NRG3: variants seen among roughly 807,000 people sequenced by gnomAD.
The protein encoded by NRG3 is neuregulin 3.
NRG3 carries 31 observed loss-of-function variants against 66.9 expected under a neutral mutation model. The observed-to-expected ratio is 0.46, with a 90% CI of 0.35 to 0.63. NRG3 has a LOEUF of 0.63. Ranked by LOEUF, NRG3 falls within the 20% of genes least tolerant of loss-of-function variation. NRG3 has a pLI of 0.00. For synonymous variants in NRG3, 393 were observed against 359.4 expected, an observed-to-expected ratio of 1.09 and a Z score of -1.06; for missense variants, 910 against 878.9, an observed-to-expected ratio of 1.04 and a Z score of -0.45.
intron 2 of NRG3, among the ~76,000 whole-genome samples, chr10:82,411,776 A>G (rs1303913380): frequency 6.6e-6 from 1 of 152,108 alleles, no homozygotes; most frequent in Non-Finnish European, 1.5e-5. Flanking sequence ...TTGTTTGGCC[A>G]AGTGCTCAGT....
intron 2 of NRG3, among the ~76,000 whole-genome samples, chr10:82,524,474 A>T (rs913835337): frequency 4.6e-5 from 7 of 151,950 alleles, no homozygotes; most frequent in Non-Finnish European, 7.4e-5. Flanking sequence ...ACATTTGTAA[A>T]CTGGAATCAT....
intron 1 of NRG3, among the ~76,000 whole-genome samples, chr10:82,039,608 G>C (rs2062941599): frequency 1.3e-5 from 2 of 152,082 alleles, no homozygotes; most frequent in Admixed American, 6.6e-5. Flanking sequence ...GTCTTACAGT[G>C]AACTCGTCAT....
At position 82,293,307 on chromosome 10, in the gene NRG3, G is replaced by A. The variant is rs533539553; in HGVS notation, c.824-65432G>A. Among the ~76,000 whole-genome samples the A allele has an allele frequency of 2.6e-5, 4 of 150,996 alleles. No individual in the cohort carries two copies. In the South Asian group the frequency reaches 8.3e-4, roughly 31 times the overall value. ...CAGTACATACAATATTTGTCAGAAA[G>A]CTTGCTTGGTATCAGCATTGTTCAG... is the stretch of plus-strand genomic sequence containing the variant. On this transcript the variant is annotated intron_variant, in intron 1 of 8. Coordinates refer to ENST00000372141, the MANE Select transcript of NRG3 (RefSeq NM_001010848.4).
chr10:82,077,705 G>C (rs1457854308), intron 1 of NRG3, among the ~76,000 whole-genome samples: 2 of 152,186 alleles, frequency 1.3e-5, no homozygotes, highest in Non-Finnish European at 2.9e-5. Context: ...TCTATAGGGA[G>C]CATTAGATGA....
chr10:82,954,676 T>C (rs576648683), intron 5 of NRG3, among the ~76,000 whole-genome samples: 2 of 151,988 alleles, frequency 1.3e-5, no homozygotes, highest in Non-Finnish European at 2.9e-5. Flanking sequence ...TTCCTTCTTC[T>C]AGTACCATTT....
At chr10:82,899,087 T>C (rs1843961587) in intron 4 of NRG3, among the ~76,000 whole-genome samples, 1 of 152,132 alleles carries the variant, frequency 6.6e-6, no homozygotes, top group South Asian at 2.1e-4. Flanking sequence ...AACGACTTCA[T>C]GTGTATAATG....
intron 1 of NRG3, among the ~76,000 whole-genome samples, chr10:82,307,770 C>G (rs767580051): frequency 1.8e-4 from 27 of 150,336 alleles, no homozygotes; most frequent in Non-Finnish European, 3.0e-4. Flanking sequence ...TTTTTCCTGT[C>G]ATTTAAAAAA....
At chr10:82,035,004 G>A (rs1442449071) in intron 1 of NRG3, among the ~76,000 whole-genome samples, 1 of 152,066 alleles carries the variant, frequency 6.6e-6, no homozygotes, top group Non-Finnish European at 1.5e-5. Flanking sequence ...CAGACTTAAA[G>A]TGAATATAGT....
At chr10:82,587,258 C>T (rs1309793406) in intron 2 of NRG3, among the ~76,000 whole-genome samples, 1 of 152,016 alleles carries the variant, frequency 6.6e-6, no homozygotes, top group East Asian at 1.9e-4. Flanking sequence ...AAAACAACAC[C>T]ACTCTCGTTA....
chr10:82,008,731 A>G (rs1198867209), intron 1 of NRG3, among the ~76,000 whole-genome samples: 15 of 152,148 alleles, frequency 9.9e-5, no homozygotes. Context: ...GAGGAACACA[A>G]TTTGAATAAA....
intron 2 of NRG3, among the ~76,000 whole-genome samples, chr10:82,618,938 T>C (rs1285745247): frequency 6.6e-6 from 1 of 151,942 alleles, no homozygotes; most frequent in Non-Finnish European, 1.5e-5. Context: ...TGATTTTTTT[T>C]TTTATTTAAT....
intron 1 of NRG3, among the ~76,000 whole-genome samples, chr10:82,030,032 G>C (rs556829144): frequency 7.2e-5 from 11 of 152,044 alleles, no homozygotes; most frequent in Non-Finnish European, 1.6e-4. Context: ...AGTTGAAATC[G>C]TAAGGGGAAC....
intron 4 of NRG3, among the ~76,000 whole-genome samples, chr10:82,897,475 G>T (rs953303180): frequency 6.6e-6 from 1 of 151,862 alleles, no homozygotes; most frequent in African/African-American, 2.4e-5. Context: ...TTCTGATCTT[G>T]ATTTCTTGAA....
rs144539511 is a variant in NRG3 at position 82,960,593 on chromosome 10, C to T, written c.1284+1518C>T. On this transcript the variant is annotated intron_variant, in intron 6 of 8. Transcript: ENST00000372141. Reference sequence around the variant, plus strand: ...GCCATCATATCCCCTGTGACCTGCACGTGCACATCCAGATGGCCGGTTCCT... The same window carrying T: ...GCCATCATATCCCCTGTGACCTGCATGTGCACATCCAGATGGCCGGTTCCT... Among the ~76,000 whole-genome samples the T allele has an allele frequency of 8.2e-4, 125 of 152,056 alleles. 1 individual carries two copies. The East Asian group carries it at 0.022, about 26-fold the overall frequency.
At chr10:81,880,442 C>G (rs1397067892) in intron 1 of NRG3, among the ~76,000 whole-genome samples, 1 of 152,134 alleles carries the variant, frequency 6.6e-6, no homozygotes, top group Non-Finnish European at 1.5e-5. Flanking sequence ...CAATTTCTCG[C>G]TGTTACTGAA....
chr10:82,746,368 G>T (rs1313287990), intron 3 of NRG3, among the ~76,000 whole-genome samples: 3 of 152,148 alleles, frequency 2.0e-5, no homozygotes, highest in Non-Finnish European at 4.4e-5. Context: ...CCCGGGAAGA[G>T]GATTGTTCTT....
At chr10:82,125,499 A>G (rs1422613043) in intron 1 of NRG3, among the ~76,000 whole-genome samples, 2 of 152,080 alleles carry the variant, frequency 1.3e-5, no homozygotes, top group Non-Finnish European at 2.9e-5. Flanking sequence ...AGTTTTTTGA[A>G]AAATGATAAC....
intron 1 of NRG3, among the ~76,000 whole-genome samples, chr10:82,096,212 C>T (rs2066331793): frequency 6.6e-6 from 1 of 152,132 alleles, no homozygotes. Context: ...CACAGTGGCT[C>T]ATGCCTGTAA....
At position 82,658,772 on chromosome 10, in the gene NRG3, A is replaced by G. The variant is rs182152020; in HGVS notation, c.954-79805A>G. ...GAGGTTCATGATTTCATGGATGTAT[A>G]CTCACATTAAAATTTATTATTTTTT... is the stretch of plus-strand genomic sequence containing the variant. On this transcript the variant is annotated intron_variant, in intron 2 of 8. Transcript: ENST00000372141. Among the ~76,000 whole-genome samples, 12 of 152,262 alleles carry G rather than the reference A, an allele frequency of 7.9e-5. 1 individual carries two copies. In the East Asian group the frequency reaches 2.3e-3, roughly 29 times the overall value.
Sources: gnomAD v4.1 joint callset for allele counts (sites outside exome capture counted in the v4.1 genomes callset) on GRCh38, gnomAD v4.1.1 for gene constraint, MANE v1.5 for transcripts, NCBI Gene and HGNC (gene_info 2026-07-23, HGNC 2026-07-21) for gene names.